MPPE1: variants seen among roughly 807,000 people sequenced by gnomAD.
MPPE1 encodes metallophosphoesterase 1.
Under a neutral mutation model 43.8 loss-of-function variants are expected in MPPE1, and 28 were observed. The observed-to-expected ratio is 0.64, with a 90% CI of 0.47 to 0.88. MPPE1 has a LOEUF of 0.88. Among genes scored for constraint, MPPE1 ranks in the 40% least tolerant of loss-of-function variants. MPPE1 has a pLI of 0.00. For missense variants in MPPE1, 428 were observed against 492.2 expected (o/e 0.87, Z 1.23); for synonymous variants, 159 against 188.5 (o/e 0.84, Z 1.28).
rs773215984 is a variant in MPPE1, at chr18:11,886,937, T to G, written c.658A>C (p.Arg220=). ...TEAELIEVSH[R]LNCSREARGS... is the part of the protein sequence containing the mutation. ...CCTACCTCTCGGGAGCAGTTCAGTCTGTGAGAAACTTCAATGAGCTCTGCT... is the reference window on the plus strand; with the variant it reads ...CCTACCTCTCGGGAGCAGTTCAGTCGGTGAGAAACTTCAATGAGCTCTGCT... Residue 220 remains arginine, a synonymous_variant, in exon 7 of 11, where the codon AGA becomes CGA. Transcript: ENST00000588072. This position sits in a 1 kb window ranked among gnomAD's most constrained non-coding sequence, Gnocchi z 4.1. 5.3e-5 allele frequency: 85 copies of G among 1,613,500 alleles called. No homozygotes were observed. The highest frequency in any genetic ancestry group is 5.2e-5 in the Non-Finnish European group (61 of 1,179,720).
chr18:11,904,033 T>C (rs1335775047), intron 2 of MPPE1, among the ~76,000 whole-genome samples: 3 of 152,236 alleles, frequency 2.0e-5, no homozygotes, highest in East Asian at 1.9e-4. Context: ...CAGATCTGTA[T>C]GGATTTGCCA....
Position 11,886,534 on chromosome 18 carries a change from T to C in MPPE1, c.832A>G (p.Asn278Asp). Residue 278 changes from asparagine to aspartate, a missense_variant, in exon 9 of 11, where the codon AAC becomes GAC. Physicochemically the swap from Asn to Asp is conservative, Grantham distance 23. Transcript: ENST00000588072. This position sits in a 1 kb window ranked among gnomAD's most constrained non-coding sequence, Gnocchi z 4.1. ...AEERDIPFKE[N>D]YDVLSREASQ... ...GCCTCCCGTGAAAGCACGTCATAGT[T>C]CTCCTTAAATGGGATGTCCCTTTCC... The C allele has an allele frequency of 6.2e-7, 1 of 1,614,184 alleles. No homozygotes were observed. The highest frequency in any genetic ancestry group is 8.5e-7 in the Non-Finnish European group (1 of 1,180,022).
intron 3 of MPPE1, among the ~76,000 whole-genome samples, chr18:11,894,858 T>C (rs1243172085): frequency 6.6e-6 from 1 of 152,164 alleles, no homozygotes; most frequent in Non-Finnish European, 1.5e-5. Context: ...CCAAAAGTGC[T>C]GGGATTACAG....
At chr18:11,893,435 C>T (rs374809786) in intron 4 of MPPE1, 33 bp downstream of exon 4, 52 of 1,473,076 alleles carry the variant, frequency 3.5e-5, no homozygotes, top group Non-Finnish European at 4.1e-5. Context: ...GACCTCACAG[C>T]AGGATGAGGG....
intron 2 of MPPE1, chr18:11,905,167 T>C (rs1038818070): frequency 3.3e-5 from 5 of 151,852 alleles, no homozygotes; most frequent in African/African-American, 1.2e-4. Flanking sequence ...ATTAGCCTAG[T>C]GTAGTAGTGC....
chr18:11,904,799 C>T (rs775641561), intron 2 of MPPE1, among the ~76,000 whole-genome samples: 1 of 151,218 alleles, frequency 6.6e-6, no homozygotes, highest in African/African-American at 2.4e-5. Context: ...AAAAATTAGC[C>T]GGGTGTGGTT....
chr18:11,895,599 C>T (rs1332298436), intron 3 of MPPE1, among the ~76,000 whole-genome samples: 1 of 151,672 alleles, frequency 6.6e-6, no homozygotes, highest in Non-Finnish European at 1.5e-5. Flanking sequence ...ACTGCAGTGC[C>T]ATGGTCATAG....
chr18:11,907,467 T>TCAC (rs2143547996), intron 1 of MPPE1, among the ~76,000 whole-genome samples: 1 of 152,298 alleles, frequency 6.6e-6, no homozygotes, highest in Non-Finnish European at 1.5e-5. Flanking sequence ...AATGGCTGTG[T>TCAC]CACCAGCCAT....
chr18:11,901,334 A>C (rs1181644354), intron 2 of MPPE1, among the ~76,000 whole-genome samples: 1 of 151,910 alleles, frequency 6.6e-6, no homozygotes, highest in Non-Finnish European at 1.5e-5. Context: ...GGGCTCAAGC[A>C]ATCCTCCTAC....
rs1023847768 is a variant in MPPE1 at position 11,886,191 on chromosome 18, T to G, written c.867+308A>C. The G allele has an allele frequency of 2.2e-5, 7 of 323,476 alleles. No homozygotes were observed. The highest frequency in any genetic ancestry group is 4.0e-5 in the Non-Finnish European group (7 of 176,454). 20.0% of individuals were successfully genotyped at this position (323,476 alleles called of 1,614,324 possible). A position where few individuals can be genotyped will look rare whatever the true frequency, so the allele number is the denominator to read the frequency against. ...TAATTAAGTCCCTAAAAAATTGACT[T>G]TTCAGTTCCATTCACATTTCTAAAT... On this transcript the variant is annotated intron_variant, in intron 9 of 10. Transcript: ENST00000588072. The surrounding 1 kb of genome is among the most constrained non-coding windows in gnomAD (Gnocchi z 4.1).
At position 11,884,466 on chromosome 18, in the gene MPPE1, G is replaced by T. The variant is rs761546673; in HGVS notation, c.1170C>A (p.Leu390=). ...ASPFLSGLNL[L]GKRKTR ...CTCTTCATCTTGTCTTACGCTTTCC[G>T]AGCAAGTTCAAACCAGAAAGAAAAG... Residue 390 remains leucine (L), a synonymous_variant, in exon 11 of 11, where the codon CTC becomes CTA. Coordinates refer to ENST00000588072, the MANE Select transcript of MPPE1 (RefSeq NM_023075.6). 5 of 1,613,962 alleles carry T rather than the reference G, an allele frequency of 3.1e-6. No homozygotes were observed. The highest frequency in any genetic ancestry group is 4.2e-6 in the Non-Finnish European group (5 of 1,179,992).
At position 11,896,990 on chromosome 18, in the gene MPPE1, A is replaced by C. The variant is rs777876781; in HGVS notation, c.275T>G (p.Leu92Ter). ...TCCTGATTTTACCTCTTACCTTCGT[A>C]ATTTGTCCAGCCAGTGGCCTAGGAA... ...GEFLGHWLDK[L>*]RREWQMERAF... The change falls in exon 3 of 11, where the codon TTA becomes TGA. Residue 92 changes from leucine to a stop codon, truncating the protein, a stop_gained. Transcript: ENST00000588072. LOFTEE classifies it high-confidence loss of function. 4.7e-5 allele frequency: 75 copies of C among 1,606,476 alleles called. No individual in the cohort carries two copies. Among genetic ancestry groups the C allele is most frequent in the Non-Finnish European group, 6.2e-5 (73 of 1,175,184 alleles).
At chr18:11,892,691 T>C (rs1598526615) in intron 4 of MPPE1, among the ~76,000 whole-genome samples, 1 of 151,358 alleles carries the variant, frequency 6.6e-6, no homozygotes, top group East Asian at 1.9e-4. Flanking sequence ...AAAAAAATCC[T>C]CCTGCCTTGG....
In MPPE1 at chr18:11,893,451, G is replaced by T; in HGVS notation, c.390+17C>A. The stretch of plus-strand genomic sequence containing the variant: ...ACCTCACAGCAGGATGAGGGCACCT[G>T]GAACACAGAGTCCTACCTCAGGGGT... On this transcript the variant is annotated intron_variant, in intron 4 of 10. Transcript: ENST00000588072. 6.3e-7 allele frequency: 1 copy of T among 1,581,844 alleles called. No homozygotes were observed. Among genetic ancestry groups the T allele is most frequent in the Non-Finnish European group, 8.7e-7 (1 of 1,152,220 alleles).
chr18:11,885,829 G>C lies in MPPE1; in HGVS notation c.868-13C>G. 1 of 1,597,018 alleles carries C rather than the reference G, an allele frequency of 6.3e-7. No individual in the cohort carries two copies. ...GCCACCACAGCAGCTGACAGTGGCC[G>C]AGAAGACAGCAAAGCAGGCTGTTAG... On this transcript the variant is annotated splice_polypyrimidine_tract_variant and intron_variant, in intron 9 of 10. Coordinates refer to ENST00000588072, the MANE Select transcript of MPPE1 (RefSeq NM_023075.6).
chr18:11,900,291 G>T (rs1266134236), intron 2 of MPPE1, among the ~76,000 whole-genome samples: 1 of 152,126 alleles, frequency 6.6e-6, no homozygotes, highest in African/African-American at 2.4e-5. Flanking sequence ...AGGTTGCAGT[G>T]GGCCAAGATC....
intron 4 of MPPE1, among the ~76,000 whole-genome samples, chr18:11,892,757 A>G (rs552880178): frequency 1.3e-5 from 2 of 152,282 alleles, no homozygotes; most frequent in Admixed American, 1.3e-4. Flanking sequence ...ACTATACCCC[A>G]AATTGAAGAT....
intron 4 of MPPE1, among the ~76,000 whole-genome samples, chr18:11,889,903 G>A (rs1253537301): frequency 6.6e-6 from 1 of 150,648 alleles, no homozygotes; most frequent in East Asian, 2.0e-4. Context: ...AGAAGTGAAT[G>A]AATTCCCCTG....
At position 11,886,353 on chromosome 18, in the gene MPPE1, G is replaced by A. The variant is rs2037242164; in HGVS notation, c.867+146C>T. On this transcript the variant is annotated intron_variant, in intron 9 of 10. Transcript: ENST00000588072. The surrounding 1 kb of genome is among the most constrained non-coding windows in gnomAD (Gnocchi z 4.1). ...AAATCTGAGATACTGTGAAAGCCAG[G>A]CCTCCACCCCTGTCCCCCCAGGTGA... 9.1e-7 allele frequency: 1 copy of A among 1,100,718 alleles called. No homozygotes were observed. The highest frequency in any genetic ancestry group is 1.6e-5 in the African/African-American group (1 of 63,100). 68.2% of individuals were successfully genotyped at this position (1,100,718 alleles called of 1,614,324 possible). A position where few individuals can be genotyped will look rare whatever the true frequency, so the allele number is the denominator to read the frequency against.
Sources: gnomAD v4.1 joint callset for allele counts (sites outside exome capture counted in the v4.1 genomes callset) on GRCh38, gnomAD v4.1.1 for gene constraint, Gnocchi (gnomAD v3.1) non-coding constraint, MANE v1.5 for transcripts, NCBI Gene and HGNC (gene_info 2026-07-23, HGNC 2026-07-21) for gene names.